Variants in SORL1 observed in about 807,000 individuals in gnomAD.
SORL1 encodes the protein sortilin related receptor 1.
In SORL1, 127 loss-of-function variants were observed where a neutral mutation model predicts 273.7. That is an observed-to-expected ratio of 0.46 (90% confidence interval 0.40 to 0.54). The LOEUF is 0.54. Among genes scored for constraint, SORL1 ranks in the 20% least tolerant of loss-of-function variants. The probability of loss-of-function intolerance (pLI) is 0.00; values close to 1 mark genes in which losing one functional copy is unlikely to be tolerated. For missense variants in SORL1, 2,494 were observed against 2,846.1 expected (o/e 0.88, Z 2.81); for synonymous variants, 1,031 against 1,067.4 (o/e 0.97, Z 0.66).
intron 6 of SORL1, among the ~76,000 whole-genome samples, chr11:121,502,003 A>G (rs935718708): frequency 2.0e-5 from 3 of 151,546 alleles, no homozygotes; most frequent in Non-Finnish European, 4.4e-5. Context: ...GCTTGTGTCT[A>G]CTGTTTTACT....
At chr11:121,457,904 C>T (rs961622157) in intron 1 of SORL1, among the ~76,000 whole-genome samples, 2 of 152,238 alleles carry the variant, frequency 1.3e-5, no homozygotes, top group African/African-American at 4.8e-5. Flanking sequence ...ATCCACGAGG[C>T]AGATCCTTAT....
At chr11:121,479,900 A>T (rs1861345932) in intron 3 of SORL1, among the ~76,000 whole-genome samples, 1 of 152,158 alleles carries the variant, frequency 6.6e-6, no homozygotes, top group South Asian at 2.1e-4. Context: ...TGAGATGAAA[A>T]GCAAGGAGAA....
At chr11:121,622,107 T>C (rs1033399636) in intron 44 of SORL1, 55 bp from the exon 45 acceptor site, 1 of 976,310 alleles carries the variant, frequency 1.0e-6, no homozygotes, top group Non-Finnish European at 1.6e-6. Flanking sequence ...GACAAGAAAA[T>C]AGAGTTTCAA....
At position 121,462,356 on chromosome 11, in the gene SORL1, C is replaced by G. The variant is rs893668516; in HGVS notation, c.286-7651C>G. 3.3e-5 allele frequency among the ~76,000 whole-genome samples: 5 copies of G among 152,176 alleles called. 1 individual carries two copies. The highest frequency in any genetic ancestry group is 1.3e-4 in the Admixed American group (2 of 15,280). The stretch of plus-strand genomic sequence containing the variant: ...CCTGCCTTAGGTCTGGGTCCATGTT[C>G]TCTGCCTCACTTTTCCATCCCCTTT... On this transcript the variant is annotated intron_variant, in intron 1 of 47. Coordinates refer to ENST00000260197, the MANE Select transcript of SORL1 (RefSeq NM_003105.6).
intron 12 of SORL1, among the ~76,000 whole-genome samples, chr11:121,536,427 GTTTTT>G (rs1222441901): frequency 7.8e-6 from 1 of 128,646 alleles, no homozygotes; most frequent in Non-Finnish European, 1.7e-5. Context: ...TTATCACTGT[GTTTTT>G]TTTTTTTTTT....
intron 1 of SORL1, among the ~76,000 whole-genome samples, chr11:121,462,270 C>T (rs553992592): frequency 1.3e-5 from 2 of 152,240 alleles, no homozygotes; most frequent in South Asian, 4.1e-4. Context: ...CCACACTGAT[C>T]TTGTAATTTT....
chr11:121,569,674 C>T (rs1480067828), intron 22 of SORL1, among the ~76,000 whole-genome samples: 1 of 152,192 alleles, frequency 6.6e-6, no homozygotes, highest in East Asian at 1.9e-4. Context: ...AAGATGTTAT[C>T]AGTGACAATG....
chr11:121,550,125 C>A lies in SORL1; in HGVS notation c.2180+37C>A. On this transcript the variant is annotated intron_variant, in intron 15 of 47. Transcript: ENST00000260197. This position sits in a 1 kb window ranked among gnomAD's most constrained non-coding sequence, Gnocchi z 5.3. ...AGAGGTTGCCCTGTCAGGTTCTCAG[C>A]GGTCCGCACATGGAGCGAGAGAGCA... The A allele has an allele frequency of 6.3e-7, 1 of 1,599,008 alleles. No homozygotes were observed. Among genetic ancestry groups the A allele is most frequent in the South Asian group, 1.1e-5 (1 of 89,282 alleles).
chr11:121,586,202 G>A lies in SORL1; in HGVS notation c.3707-20G>A. 6.3e-7 allele frequency: 1 copy of A among 1,580,140 alleles called. No homozygotes were observed. Among genetic ancestry groups the A allele is most frequent in the Non-Finnish European group, 8.7e-7 (1 of 1,148,928 alleles). On this transcript the variant is annotated intron_variant, in intron 26 of 47. Transcript: ENST00000260197. ...TGTTTCCTCCTCGTCATTCTTCTGT[G>A]TTGTTGAATTCTATTTCAGAGAAGA...
chr11:121,472,015 T>A (rs1189618943), intron 2 of SORL1, among the ~76,000 whole-genome samples: 3 of 152,178 alleles, frequency 2.0e-5, no homozygotes, highest in African/African-American at 7.2e-5. Flanking sequence ...TGTGGTGGCC[T>A]GCTCCCATAG....
In SORL1 at chr11:121,583,562, G is replaced by A. The variant is rs779243014; in HGVS notation, c.3685G>A (p.Asp1229Asn). The A allele has an allele frequency of 3.7e-6, 6 of 1,610,766 alleles. No homozygotes were observed. Among genetic ancestry groups the A allele is most frequent in the Non-Finnish European group, 4.2e-6 (5 of 1,178,612 alleles). Residue 1229 changes from aspartate to asparagine, a missense_variant, in exon 26 of 48, where the codon GAT (aspartate) becomes AAT (asparagine). Asp to Asn is a conservative substitution (Grantham distance 23). Coordinates refer to ENST00000260197, the MANE Select transcript of SORL1 (RefSeq NM_003105.6). ...DGDTDCQDGS[D>N]EDPVNCEKKC... ...GGATACGGACTGCCAGGATGGTTCC[G>A]ATGAGGATCCAGTCAACTGTGGTAA... is the stretch of plus-strand genomic sequence containing the variant.
chr11:121,570,273 G>C lies in SORL1; in HGVS notation c.3337+3G>C, dbSNP rs1281839979. The C allele has an allele frequency of 6.2e-7, 1 of 1,603,224 alleles. No individual in the cohort carries two copies. The highest frequency in any genetic ancestry group is 2.2e-5 in the East Asian group (1 of 44,848). On this transcript the variant is annotated splice_donor_region_variant and intron_variant, in intron 23 of 47. Coordinates refer to ENST00000260197, the MANE Select transcript of SORL1 (RefSeq NM_003105.6). ...CATGAGCGATGAGAGAAACTGCCGT[G>C]AGTCTTCTGGATTGGACGTTAAGCA...
chr11:121,548,748 G>A (rs1862467959), intron 14 of SORL1, among the ~76,000 whole-genome samples: 1 of 151,954 alleles, frequency 6.6e-6, no homozygotes, highest in Admixed American at 6.6e-5. Flanking sequence ...TGTATTTTTA[G>A]TAGAGACGGG....
intron 40 of SORL1, among the ~76,000 whole-genome samples, chr11:121,613,977 C>G (rs777907499): frequency 1.4e-4 from 22 of 152,190 alleles, no homozygotes; most frequent in Admixed American, 3.9e-4. Flanking sequence ...TTATTTTTTT[C>G]TCCATCTTAC....
intron 6 of SORL1, 91 bp downstream of exon 6, chr11:121,497,140 A>G (rs1861644199): frequency 9.8e-7 from 1 of 1,016,966 alleles, no homozygotes; most frequent in East Asian, 2.5e-5. Flanking sequence ...TTGCATACAC[A>G]GGAATTGGAA....
Position 121,613,035 on chromosome 11 carries a change from G to A in SORL1, c.5419+203G>A, listed in dbSNP as rs905534788. ...AGAGGGATTCACTCAGTGGCCCCTC[G>A]AGCCCTCCTCCAACCTCATGACCCT... is the stretch of plus-strand genomic sequence containing the variant. On this transcript the variant is annotated intron_variant, in intron 40 of 47. Transcript: ENST00000260197. Among the ~76,000 whole-genome samples the A allele has an allele frequency of 5.9e-5, 9 of 152,250 alleles. No individual in the cohort carries two copies. The East Asian group carries it at 1.5e-3, about 26-fold the overall frequency.
intron 5 of SORL1, among the ~76,000 whole-genome samples, chr11:121,493,126 G>A (rs1861580342): frequency 6.6e-6 from 1 of 152,070 alleles, no homozygotes; most frequent in Admixed American, 6.6e-5. Context: ...CTACAGGCAT[G>A]TGCAGCCATC....
At chr11:121,597,270 G>A (rs1863309157) in intron 32 of SORL1, among the ~76,000 whole-genome samples, 1 of 152,240 alleles carries the variant, frequency 6.6e-6, no homozygotes, top group Non-Finnish European at 1.5e-5. Context: ...TCTCCCTGGA[G>A]AGGCTTGGTT....
chr11:121,619,714 T>G, intron 42 of SORL1, 39 bp from the exon 43 acceptor site: 1 of 1,520,660 alleles, frequency 6.6e-7, no homozygotes, highest in Non-Finnish European at 9.1e-7. Context: ...CATAAGGCCA[T>G]GATGTATTTT....
Sources: gnomAD v4.1 joint callset for allele counts (sites outside exome capture counted in the v4.1 genomes callset) on GRCh38, gnomAD v4.1.1 for gene constraint, Gnocchi (gnomAD v3.1) non-coding constraint, MANE v1.5 for transcripts, NCBI Gene and HGNC (gene_info 2026-07-23, HGNC 2026-07-21) for gene names.